MEI1: variants seen among roughly 807,000 people sequenced by gnomAD.
The protein encoded by MEI1 is meiosis inhibitor protein 1.
Under a neutral mutation model 146.2 loss-of-function variants are expected in MEI1, and 103 were observed. The ratio of observed to expected loss-of-function variants is 0.70; its 90% CI spans 0.60 to 0.83. MEI1 has a LOEUF of 0.83. Ranked by LOEUF, MEI1 falls within the 40% of genes least tolerant of loss-of-function variation. The pLI is 0.00. For synonymous variants in MEI1, 652 were observed against 628.2 expected, an observed-to-expected ratio of 1.04 and a Z score of -0.57; for missense variants, 1,529 against 1,533.0, an observed-to-expected ratio of 1.00 and a Z score of 0.04.
intron 14 of MEI1, 93 bp from the exon 15 acceptor site, chr22:41,748,014 G>A (rs1172661265): frequency 8.8e-6 from 7 of 798,138 alleles, no homozygotes; most frequent in Non-Finnish European, 1.1e-5. Flanking sequence ...TCAAGTGAAA[G>A]GAGTTGCTAG....
chr22:41,775,686 C>T (rs550509031), intron 20 of MEI1, among the ~76,000 whole-genome samples: 68 of 151,772 alleles, frequency 4.5e-4, no homozygotes, highest in Middle Eastern at 3.4e-3. Flanking sequence ...CCCCGCCTCC[C>T]GGGTTCATGC....
At chr22:41,760,949 T>G (rs1379633795) in intron 18 of MEI1, among the ~76,000 whole-genome samples, 1 of 140,620 alleles carries the variant, frequency 7.1e-6, no homozygotes, top group African/African-American at 3.3e-5. Context: ...TGGCTTTGAT[T>G]TCACTTCTTT....
intron 19 of MEI1, among the ~76,000 whole-genome samples, chr22:41,763,782 AAAC>A (rs891701735): frequency 2.7e-4 from 41 of 152,084 alleles, no homozygotes; most frequent in South Asian, 2.1e-4. Context: ...AATTAAAAAA[AAAC>A]AACAACTCTT....
In MEI1 at chr22:41,793,193, C is replaced by T. The variant is rs540001676; in HGVS notation, c.3346-636C>T. Among the ~76,000 whole-genome samples the T allele has an allele frequency of 7.3e-5, 11 of 151,588 alleles. 1 individual carries two copies. The highest frequency in any genetic ancestry group is 3.3e-4 in the Admixed American group (5 of 15,210). On this transcript the variant is annotated intron_variant, in intron 26 of 30. Transcript: ENST00000401548. ...CTGGGATTACAGGCGCCCACCACCA[C>T]GCCCAGCTAATTTTTTGTATTTTTA...
intron 26 of MEI1, among the ~76,000 whole-genome samples, chr22:41,788,730 C>T (rs1389314103): frequency 1.3e-5 from 2 of 152,126 alleles, no homozygotes; most frequent in African/African-American, 4.8e-5. Context: ...TGTGAGCCAA[C>T]GTGCCCAGCC....
chr22:41,770,730 C>G lies in MEI1; in HGVS notation c.2313C>G (p.Asp771Glu), dbSNP rs917903051. 6.2e-7 allele frequency: 1 copy of G among 1,613,934 alleles called. No individual in the cohort carries two copies. Among genetic ancestry groups the G allele is most frequent in the Middle Eastern group, 1.6e-4 (1 of 6,062 alleles). ...AIRKFLEGIPDLQLVYTHHPL... is the reference protein window; with the variant it reads ...AIRKFLEGIPELQLVYTHHPL... ...GAAAATTCCTAGAAGGCATCCCAGACCTGCAGCTAGTCTATACTCACCATC... is the reference window on the plus strand; with the variant it reads ...GAAAATTCCTAGAAGGCATCCCAGAGCTGCAGCTAGTCTATACTCACCATC... The change falls in exon 20 of 31, where the codon GAC (aspartate) becomes GAG (glutamate). Residue 771 changes from aspartate to glutamate, a missense_variant. Transcript: ENST00000401548.
intron 18 of MEI1, 132 bp from the exon 19 acceptor site, chr22:41,763,042 C>T (rs983345997): frequency 1.1e-6 from 1 of 886,358 alleles, no homozygotes; most frequent in Non-Finnish European, 1.7e-6. Context: ...CACTGTTTGT[C>T]TAAGATGTCA....
chr22:41,749,631 T>C (rs2073606391), intron 15 of MEI1, among the ~76,000 whole-genome samples: 1 of 152,182 alleles, frequency 6.6e-6, no homozygotes, highest in Non-Finnish European at 1.5e-5. Context: ...TGGAGTAACA[T>C]GTTCAGATTT....
chr22:41,707,280 T>C (rs2069170936), intron 3 of MEI1, among the ~76,000 whole-genome samples: 1 of 152,038 alleles, frequency 6.6e-6, no homozygotes, highest in African/African-American at 2.4e-5. Context: ...ATAGCAATTA[T>C]AGAAAACAAC....
rs969595851 is a variant in MEI1, at chr22:41,782,453, T to C, written c.3087+608T>C. On this transcript the variant is annotated intron_variant, in intron 24 of 30. Transcript: ENST00000401548. ...AGGGAAGAGGAGAGCAGTGGACTTA[T>C]CCACAGAGCACCTCCTTCCCCTCAG... Among the ~76,000 whole-genome samples the C allele has an allele frequency of 9.2e-5, 14 of 152,158 alleles. 1 individual carries two copies. The highest frequency in any genetic ancestry group is 2.9e-5 in the Non-Finnish European group (2 of 68,032).
chr22:41,725,499 G>A (rs1048786649), intron 7 of MEI1, among the ~76,000 whole-genome samples: 1 of 152,190 alleles, frequency 6.6e-6, no homozygotes, highest in African/African-American at 2.4e-5. Flanking sequence ...AGTCACCTCA[G>A]TTGCTTTAGG....
Position 41,743,094 on chromosome 22 carries a change from G to C in MEI1, c.1346G>C (p.Ser449Thr), listed in dbSNP as rs749747749. ...TCTGGATGCAGGAAGGACCATCAGAGCACTCCACCTGTGCAGTATGGGGAA... is the reference window on the plus strand; with the variant it reads ...TCTGGATGCAGGAAGGACCATCAGACCACTCCACCTGTGCAGTATGGGGAA... ...TSAFLRKDHQ[S>T]TPPVQYGELQ... is the part of the protein sequence containing the mutation. Residue 449 changes from serine to threonine, a missense_variant, in exon 12 of 31, where the codon AGC (serine) becomes ACC (threonine). Transcript: ENST00000401548. 1.9e-6 allele frequency: 3 copies of C among 1,611,546 alleles called. No homozygotes were observed. The South Asian group carries it at 3.3e-5, about 18-fold the overall frequency.
chr22:41,773,870 G>A (rs143101889), intron 20 of MEI1, among the ~76,000 whole-genome samples: 2,475 of 152,184 alleles, frequency 0.016, 48 homozygotes, highest in Admixed American at 0.059. Context: ...GCTAGACTTC[G>A]TCTCAAAAAC....
Position 41,744,373 on chromosome 22 carries a change from T to C in MEI1, c.1447-600T>C, listed in dbSNP as rs369553222. ...ATTTTTAGTAGAGACGGGGTTTCAC[T>C]ATGTTAGCCAGGATGGCTACGATCT... is the stretch of plus-strand genomic sequence containing the variant. On this transcript the variant is annotated intron_variant, in intron 12 of 30. Coordinates refer to ENST00000401548, the MANE Select transcript of MEI1 (RefSeq NM_152513.4). Among the ~76,000 whole-genome samples the C allele has an allele frequency of 7.2e-5, 11 of 151,942 alleles. No individual in the cohort carries two copies. In the South Asian group the frequency reaches 1.7e-3, roughly 23 times the overall value.
At chr22:41,725,474 C>A (rs1388301241) in intron 7 of MEI1, among the ~76,000 whole-genome samples, 2 of 152,198 alleles carry the variant, frequency 1.3e-5, no homozygotes, top group African/African-American at 2.4e-5. Context: ...AGAATACTTA[C>A]AGCAATAGAA....
At chr22:41,743,331 TTTCCC>T in intron 12 of MEI1, 137 bp downstream of exon 12, 1 of 589,396 alleles carries the variant, frequency 1.7e-6, no homozygotes, top group Non-Finnish European at 3.1e-6. Context: ...TGAGATGCTT[TTTCCC>T]TAATAGCAGA....
intron 26 of MEI1, among the ~76,000 whole-genome samples, chr22:41,786,029 G>C (rs1423774092): frequency 1.8e-4 from 27 of 147,268 alleles, no homozygotes; most frequent in African/African-American, 6.0e-4. Context: ...TCCTGCCTCA[G>C]CCTCCCGAGT....
At chr22:41,730,471 C>A in intron 8 of MEI1, 50 bp from the exon 9 acceptor site, 6 of 1,275,792 alleles carry the variant, frequency 4.7e-6, no homozygotes, top group Non-Finnish European at 6.9e-6. Context: ...GTTAAGGGAT[C>A]GTGATCACAT....
intron 15 of MEI1, among the ~76,000 whole-genome samples, chr22:41,749,590 A>G (rs2073603200): frequency 6.6e-6 from 1 of 152,076 alleles, no homozygotes; most frequent in Admixed American, 6.6e-5. Flanking sequence ...TTTGGATTTT[A>G]TCCTAGGAGT....
Sources: gnomAD v4.1 joint callset for allele counts (sites outside exome capture counted in the v4.1 genomes callset) on GRCh38, gnomAD v4.1.1 for gene constraint, MANE v1.5 for transcripts, NCBI Gene and HGNC (gene_info 2026-07-23, HGNC 2026-07-21) for gene names.